Variants in PTPRD observed in about 807,000 individuals in gnomAD.
PTPRD encodes the protein protein tyrosine phosphatase receptor type D, also known as receptor-type tyrosine-protein phosphatase delta.
A neutral mutation model predicts 214.5 loss-of-function variants in PTPRD; 34 were observed. That is an observed-to-expected ratio of 0.16 (90% confidence interval 0.12 to 0.21). The LOEUF is 0.21. Among genes scored for constraint, PTPRD ranks in the 10% least tolerant of loss-of-function variants. The probability of loss-of-function intolerance (pLI) is 1.00; values close to 1 mark genes in which losing one functional copy is unlikely to be tolerated. For missense variants in PTPRD, 2,545 were observed against 2,398.7 expected (o/e 1.06, Z -1.27); for synonymous variants, 1,128 against 845.7 (o/e 1.33, Z -5.79).
chr9:8,798,019 T>C (rs1035696094), intron 11 of PTPRD, among the ~76,000 whole-genome samples: 3 of 152,096 alleles, frequency 2.0e-5, no homozygotes, highest in African/African-American at 4.8e-5. Flanking sequence ...GCAAGAGAAA[T>C]GGTAACTTGA....
At chr9:9,783,609 C>T (rs1004766305) in intron 5 of PTPRD, among the ~76,000 whole-genome samples, 1 of 152,002 alleles carries the variant, frequency 6.6e-6, no homozygotes, top group Admixed American at 6.6e-5. Context: ...GAATAAAATA[C>T]AGTTGGAGAA....
At chr9:9,905,987 T>C (rs1464374071) in intron 5 of PTPRD, among the ~76,000 whole-genome samples, 1 of 151,978 alleles carries the variant, frequency 6.6e-6, no homozygotes, top group African/African-American at 2.4e-5. Flanking sequence ...TTAAGCCAGA[T>C]GCTCTAGGCA....
intron 9 of PTPRD, among the ~76,000 whole-genome samples, chr9:9,373,361 A>T (rs914403170): frequency 6.6e-6 from 1 of 152,114 alleles, no homozygotes; most frequent in African/African-American, 2.4e-5. Context: ...AACCTTGTAG[A>T]AATGCTTGTT....
chr9:8,831,688 CTG>C (rs1178256509), intron 11 of PTPRD, among the ~76,000 whole-genome samples: 4 of 152,124 alleles, frequency 2.6e-5, no homozygotes, highest in African/African-American at 9.7e-5. Flanking sequence ...CACATACAAT[CTG>C]TCTCTTTCAG....
At chr9:8,823,105 C>T (rs1376635625) in intron 11 of PTPRD, among the ~76,000 whole-genome samples, 1 of 152,140 alleles carries the variant, frequency 6.6e-6, no homozygotes, top group Admixed American at 6.5e-5. Context: ...CCCACAGCCT[C>T]TTCTTGAAGC....
At chr9:9,517,183 C>G (rs751654813) in intron 8 of PTPRD, among the ~76,000 whole-genome samples, 1 of 151,948 alleles carries the variant, frequency 6.6e-6, no homozygotes, top group Non-Finnish European at 1.5e-5. Context: ...AGGCACTGTG[C>G]CAGGTGAAGG....
chr9:10,124,917 G>C (rs1259567294), intron 3 of PTPRD, among the ~76,000 whole-genome samples: 1 of 152,156 alleles, frequency 6.6e-6, no homozygotes, highest in Non-Finnish European at 1.5e-5. Flanking sequence ...AACGTCAAAA[G>C]AGCGCACTAG....
chr9:10,062,717 C>A (rs2097796563), intron 3 of PTPRD, among the ~76,000 whole-genome samples: 1 of 151,784 alleles, frequency 6.6e-6, no homozygotes, highest in African/African-American at 2.4e-5. Context: ...TTTTTTTTCT[C>A]TCTCTTGCCC....
intron 10 of PTPRD, among the ~76,000 whole-genome samples, chr9:9,047,625 A>G (rs1472782153): frequency 6.6e-6 from 1 of 152,134 alleles, no homozygotes; most frequent in Non-Finnish European, 1.5e-5. Flanking sequence ...TTTGACAAAG[A>G]TGCCAAGAAC....
chr9:9,873,517 C>G (rs2066035559), intron 5 of PTPRD, among the ~76,000 whole-genome samples: 1 of 151,840 alleles, frequency 6.6e-6, no homozygotes, highest in African/African-American at 2.4e-5. Context: ...AACAATGACT[C>G]TCTGGGTAAT....
intron 5 of PTPRD, among the ~76,000 whole-genome samples, chr9:9,904,935 T>C (rs1184004145): frequency 6.6e-6 from 1 of 152,066 alleles, no homozygotes; most frequent in Non-Finnish European, 1.5e-5. Context: ...CATATTGTTA[T>C]TCAGTTCATT....
chr9:9,391,739 G>A (rs1569567929), intron 9 of PTPRD, among the ~76,000 whole-genome samples: 1 of 152,106 alleles, frequency 6.6e-6, no homozygotes, highest in African/African-American at 2.4e-5. Context: ...CAAACTCCCT[G>A]GAAAAACATG....
chr9:10,078,366 AT>A (rs1334326146), intron 3 of PTPRD, among the ~76,000 whole-genome samples: 5 of 141,644 alleles, frequency 3.5e-5, no homozygotes, highest in Non-Finnish European at 7.8e-5. Context: ...AAAAAAAAAA[AT>A]TAGCTGGGTG....
chr9:10,068,749 G>T (rs1033783163), intron 3 of PTPRD, among the ~76,000 whole-genome samples: 2 of 151,854 alleles, frequency 1.3e-5, no homozygotes, highest in Non-Finnish European at 2.9e-5. Flanking sequence ...CAGGTGGAAG[G>T]CCACTAACAG....
intron 3 of PTPRD, among the ~76,000 whole-genome samples, chr9:10,293,910 G>A (rs1427295424): frequency 1.3e-5 from 2 of 151,864 alleles, no homozygotes; most frequent in Non-Finnish European, 2.9e-5. Context: ...TGGGCAAAAT[G>A]TTTTCTGCAT....
chr9:10,241,413 G>A (rs2091019681), intron 3 of PTPRD, among the ~76,000 whole-genome samples: 1 of 151,918 alleles, frequency 6.6e-6, no homozygotes, highest in Non-Finnish European at 1.5e-5. Flanking sequence ...GTTCATAGAA[G>A]CTTTGTCTGT....
chr9:8,553,844 T>C (rs2082857263), intron 14 of PTPRD, among the ~76,000 whole-genome samples: 1 of 152,092 alleles, frequency 6.6e-6, no homozygotes, highest in African/African-American at 2.4e-5. Context: ...GCACCTACAG[T>C]ATGGTACAAA....
At chr9:8,956,926 A>T (rs2099134472) in intron 11 of PTPRD, among the ~76,000 whole-genome samples, 1 of 151,876 alleles carries the variant, frequency 6.6e-6, no homozygotes, top group Non-Finnish European at 1.5e-5. Context: ...GAAACTCTGC[A>T]GATGATTCTA....
intron 10 of PTPRD, among the ~76,000 whole-genome samples, chr9:9,082,622 C>T (rs1014521305): frequency 1.3e-5 from 2 of 152,156 alleles, no homozygotes; most frequent in African/African-American, 2.4e-5. Context: ...TCTTTCTTTG[C>T]GGATGACATG....
Sources: allele counts gnomAD v4.1 joint callset (sites outside exome capture counted in the v4.1 genomes callset), GRCh38; gene constraint gnomAD v4.1.1; transcripts MANE v1.5; gene names NCBI Gene and HGNC (gene_info 2026-07-23, HGNC 2026-07-21).